Variants in DOCK8 observed in about 807,000 individuals in gnomAD.
DOCK8 encodes dedicator of cytokinesis 8, also known as dedicator of cytokinesis protein 8.
DOCK8 carries 141 observed loss-of-function variants against 245.6 expected under a neutral mutation model. The ratio of observed to expected loss-of-function variants is 0.57; its 90% CI spans 0.50 to 0.66. The LOEUF is 0.66. Ranked by LOEUF, DOCK8 falls within the 30% of genes least tolerant of loss-of-function variation. The pLI is 0.00. For missense variants in DOCK8, 2,965 were observed against 2,603.4 expected (o/e 1.14, Z -3.02); for synonymous variants, 1,168 against 970.2 (o/e 1.20, Z -3.79).
intron 1 of DOCK8, among the ~76,000 whole-genome samples, chr9:228,202 T>TA (rs1242203357): frequency 6.6e-6 from 1 of 152,094 alleles, no homozygotes; most frequent in East Asian, 1.9e-4. Flanking sequence ...AAATATGACA[T>TA]ACAATGCTGA....
chr9:249,784 A>ATTT lies in DOCK8; in HGVS notation c.54-21830_54-21828dup, dbSNP rs5895836. Among the ~76,000 whole-genome samples, 811 of 141,894 alleles carry ATTT rather than the reference A, an allele frequency of 5.7e-3. 10 individuals carry two copies. Among genetic ancestry groups the ATTT allele is most frequent in the Middle Eastern group, 0.022 (6 of 276 alleles). The allele number at this position is 141,894 out of a possible 152,430, so 93.1% of individuals were successfully genotyped here. Reference sequence around the variant, plus strand: ...AGGTGCCCACCACCATGCCTGGCTAATTTTTTTTTTTTTTTGTATTTTTAG... The same window carrying ATTT: ...AGGTGCCCACCACCATGCCTGGCTAATTTTTTTTTTTTTTTTTTGTATTTTTAG... On this transcript the variant is annotated intron_variant, in intron 1 of 47. Coordinates refer to ENST00000432829, the MANE Select transcript of DOCK8 (RefSeq NM_203447.4).
At chr9:300,283 G>C (rs919010277) in intron 4 of DOCK8, among the ~76,000 whole-genome samples, 1 of 152,176 alleles carries the variant, frequency 6.6e-6, no homozygotes, top group African/African-American at 2.4e-5. Flanking sequence ...CTTTGTATTT[G>C]TATAATTGCT....
chr9:420,239 G>T (rs923244136), intron 30 of DOCK8, 162 bp from the exon 31 acceptor site: 2 of 784,948 alleles, frequency 2.5e-6, no homozygotes, highest in Non-Finnish European at 4.3e-6. Context: ...GCCTAGGGAA[G>T]GCAGGGCTAC....
At chr9:368,450 G>A (rs1485883563) in intron 15 of DOCK8, 1 of 610,016 alleles carries the variant, frequency 1.6e-6, no homozygotes, top group Non-Finnish European at 2.9e-6. Context: ...GTAAAGAGAT[G>A]GCTCAACACG....
chr9:358,615 G>A (rs906579298), intron 14 of DOCK8, among the ~76,000 whole-genome samples: 1 of 149,454 alleles, frequency 6.7e-6, no homozygotes, highest in Admixed American at 6.7e-5. Context: ...TTGGGAGGCC[G>A]AGGTGGGCGG....
intron 14 of DOCK8, among the ~76,000 whole-genome samples, chr9:364,309 G>A (rs987487500): frequency 6.6e-6 from 1 of 152,172 alleles, no homozygotes; most frequent in Non-Finnish European, 1.5e-5. Context: ...CATAAAAAAA[G>A]ATAAAGCTTT....
chr9:265,128 C>T (rs2048007326), intron 1 of DOCK8, among the ~76,000 whole-genome samples: 1 of 152,138 alleles, frequency 6.6e-6, no homozygotes, highest in Admixed American at 6.5e-5. Context: ...GACGGGGTCT[C>T]ACCATGTTGG....
chr9:415,216 T>C (rs2055936605), intron 29 of DOCK8, among the ~76,000 whole-genome samples: 2 of 152,208 alleles, frequency 1.3e-5, no homozygotes, highest in Non-Finnish European at 2.9e-5. Flanking sequence ...TCTGCTAGTA[T>C]GGAATGAACT....
intron 43 of DOCK8, among the ~76,000 whole-genome samples, chr9:445,282 G>A (rs886606076): frequency 1.3e-5 from 2 of 152,138 alleles, no homozygotes; most frequent in African/African-American, 4.8e-5. Context: ...GTGAGAGTTT[G>A]GAATGAGAGT....
chr9:377,073 G>T lies in DOCK8; in HGVS notation c.2302G>T (p.Ala768Ser), dbSNP rs776173320. 19 of 1,613,210 alleles carry T rather than the reference G, an allele frequency of 1.2e-5. No individual in the cohort carries two copies. The South Asian group carries it at 2.1e-4, about 18-fold the overall frequency. The change falls in exon 20 of 48, where the codon GCG becomes TCG. Residue 768 changes from alanine to serine, a missense_variant. Physicochemically the swap from Ala to Ser is moderately conservative, Grantham distance 99 (BLOSUM62 1). Around this residue, in one of 3 missense-constraint regions of DOCK8, gnomAD observed 2,825 missense variants for 2,453.5 expected, o/e 1.15. Coordinates refer to ENST00000432829, the MANE Select transcript of DOCK8 (RefSeq NM_203447.4). ...GCTGGATCAGAAAATCAGCGAGATG[G>T]CGCTGGAGCATGAGCTGAAGCTCAG... is the stretch of plus-strand genomic sequence containing the variant. ...RVLDQKISEM[A>S]LEHELKLSII...
chr9:433,967 C>T lies in DOCK8; in HGVS notation c.4878C>T (p.Leu1626=), dbSNP rs750039709. Residue 1626 remains leucine, a synonymous_variant, in exon 38 of 48, where the codon CTC becomes CTT. Transcript: ENST00000432829. ...AAGATCCTGAGATGCTTATGGATCTCATGTACAGGTAAGCTTTCCTGACAC... is the reference window on the plus strand; with the variant it reads ...AAGATCCTGAGATGCTTATGGATCTTATGTACAGGTAAGCTTTCCTGACAC... ...FQEDPEMLMD[L]MYRIAKSYQA... The T allele has an allele frequency of 6.2e-7, 1 of 1,612,732 alleles. No individual in the cohort carries two copies. Among genetic ancestry groups the T allele is most frequent in the Non-Finnish European group, 8.5e-7 (1 of 1,178,758 alleles).
At chr9:432,020 C>A in intron 36 of DOCK8, 146 bp from the exon 37 acceptor site, 2 of 786,592 alleles carry the variant, frequency 2.5e-6, no homozygotes, top group Non-Finnish European at 4.2e-6. Context: ...AGTGTAGCTC[C>A]CATTTCATTG....
chr9:374,637 T>G (rs1563980419), intron 18 of DOCK8, among the ~76,000 whole-genome samples: 1 of 151,082 alleles, frequency 6.6e-6, no homozygotes, highest in Non-Finnish European at 1.5e-5. Flanking sequence ...AATTTTTTTT[T>G]TTTTTTTCAT....
chr9:311,365 C>T (rs1371092217), intron 5 of DOCK8, among the ~76,000 whole-genome samples: 1 of 150,312 alleles, frequency 6.7e-6, no homozygotes, highest in African/African-American at 2.4e-5. Flanking sequence ...CTACCTAAAC[C>T]TCCCAAGTAG....
intron 23 of DOCK8, 107 bp downstream of exon 23, chr9:386,533 C>G (rs2131326149): frequency 2.2e-6 from 2 of 925,472 alleles, no homozygotes; most frequent in South Asian, 2.8e-5. Flanking sequence ...CTGCCTGTCC[C>G]TGATGTGCTA....
At chr9:425,807 T>G (rs529353096) in intron 33 of DOCK8, among the ~76,000 whole-genome samples, 1 of 150,726 alleles carries the variant, frequency 6.6e-6, no homozygotes, top group South Asian at 2.1e-4. Context: ...TTTACACATA[T>G]ATTATCACTT....
At chr9:431,065 G>T (rs10814887) in intron 36 of DOCK8, among the ~76,000 whole-genome samples, 86,174 of 151,712 alleles carry the variant, frequency 0.57, 26,884 homozygotes, top group East Asian at 0.98. Flanking sequence ...TGTTGAGACA[G>T]GGTCTTGCTG....
chr9:441,496 C>T lies in DOCK8; in HGVS notation c.5355+79C>T, dbSNP rs531076749. The T allele has an allele frequency of 3.3e-5, 53 of 1,599,736 alleles. No homozygotes were observed. In the Middle Eastern group the frequency reaches 7.7e-4, roughly 23 times the overall value. On this transcript the variant is annotated intron_variant, in intron 41 of 47. Coordinates refer to ENST00000432829, the MANE Select transcript of DOCK8 (RefSeq NM_203447.4). ...TCCTACAGATGCTTAGCCATCCTTCCTCTCCAGGGAGTGATTTATCTTTAG... is the reference window on the plus strand; with the variant it reads ...TCCTACAGATGCTTAGCCATCCTTCTTCTCCAGGGAGTGATTTATCTTTAG...
rs749187863 is a variant in DOCK8, at chr9:332,463, A to C, written c.1110A>C (p.Glu370Asp). The change falls in exon 10 of 48, where the codon GAA becomes GAC. Residue 370 changes from glutamate to aspartate, a missense_variant. Glu to Asp is a conservative substitution (Grantham distance 45, BLOSUM62 2). Around this residue, in one of 3 missense-constraint regions of DOCK8, gnomAD observed 2,825 missense variants for 2,453.5 expected, o/e 1.15. Coordinates refer to ENST00000432829, the MANE Select transcript of DOCK8 (RefSeq NM_203447.4). ...CAGAGCCCTACACGGTTATCAAAGA[A>C]AGTGATGGTGGAAAGGTATGGTAAT... is the stretch of plus-strand genomic sequence containing the variant. The part of the protein sequence containing the change: ...DCAEPYTVIK[E>D]SDGGKSKEKI... 1.2e-6 allele frequency: 2 copies of C among 1,612,224 alleles called. No individual in the cohort carries two copies. The highest frequency in any genetic ancestry group is 1.3e-5 in the African/African-American group (1 of 74,866).
Sources: allele counts gnomAD v4.1 joint callset (sites outside exome capture counted in the v4.1 genomes callset), GRCh38; gene constraint gnomAD v4.1.1; regional missense constraint gnomAD v4.1.1; transcripts MANE v1.5; gene names NCBI Gene and HGNC (gene_info 2026-07-23, HGNC 2026-07-21).